JDP2: variants seen among roughly 807,000 people sequenced by gnomAD.
The protein encoded by JDP2 is progesterone receptor co-activator.
In JDP2, 9 loss-of-function variants were observed where a neutral mutation model predicts 17.1. The observed-to-expected ratio is 0.53, with a 90% confidence interval of 0.32 to 0.92. JDP2 has a LOEUF of 0.92. JDP2 is among the 40% of genes least tolerant of loss of function. JDP2 has a pLI of 0.04. For synonymous variants in JDP2, 107 were observed against 95.6 expected, an observed-to-expected ratio of 1.12 and a Z score of -0.69; for missense variants, 179 against 220.0, an observed-to-expected ratio of 0.81 and a Z score of 1.18.
chr14:75,443,152 G>A (rs772215744), intron 2 of JDP2, among the ~76,000 whole-genome samples: 12 of 152,068 alleles, frequency 7.9e-5, no homozygotes, highest in African/African-American at 1.2e-4. Flanking sequence ...ACCAGAGAGC[G>A]GCCTTGGAAG....
intron 1 of JDP2, among the ~76,000 whole-genome samples, chr14:75,429,272 CT>C (rs1884679253): frequency 6.6e-6 from 1 of 152,200 alleles, no homozygotes; most frequent in South Asian, 2.1e-4. Flanking sequence ...GCTGCCCTCC[CT>C]GTTGGAATCC....
At chr14:75,468,636 C>A (rs569736106) in intron 3 of JDP2, among the ~76,000 whole-genome samples, 8 of 152,342 alleles carry the variant, frequency 5.3e-5, no homozygotes, top group African/African-American at 1.9e-4. Context: ...TATTGGAAAC[C>A]TCATTTGGGA....
At chr14:75,449,342 G>C (rs1389895183) in intron 2 of JDP2, among the ~76,000 whole-genome samples, 1 of 152,200 alleles carries the variant, frequency 6.6e-6, no homozygotes, top group African/African-American at 2.4e-5. Flanking sequence ...TAAATATTCT[G>C]TGCAACGACT....
chr14:75,432,093 A>AC (rs35156595), intron 1 of JDP2: 59,743 of 574,934 alleles, frequency 0.1, 3,524 homozygotes, highest in Non-Finnish European at 0.13. Flanking sequence ...GCCACTCTTA[A>AC]CCCCCCCTTC....
At chr14:75,453,740 AC>A (rs1469589567) in intron 2 of JDP2, among the ~76,000 whole-genome samples, 4 of 152,012 alleles carry the variant, frequency 2.6e-5, no homozygotes, top group Admixed American at 1.3e-4. Context: ...CTTAAAGACC[AC>A]CCCCCAACCC....
chr14:75,442,063 A>G (rs1325999085), intron 2 of JDP2, among the ~76,000 whole-genome samples: 2 of 152,126 alleles, frequency 1.3e-5, no homozygotes, highest in Non-Finnish European at 2.9e-5. Context: ...AGGGGACTCA[A>G]GAGTTCAAGG....
rs80083836 is a variant in JDP2 at position 75,445,042 on chromosome 14, G to A, written c.201+6921G>A. 19 of 935,400 alleles carry A rather than the reference G, an allele frequency of 2.0e-5. No individual in the cohort carries two copies. In the South Asian group the frequency reaches 7.9e-4, roughly 39 times the overall value. 57.9% of individuals were successfully genotyped at this position (935,400 alleles called of 1,614,324 possible). A position where few individuals can be genotyped will look rare whatever the true frequency, so the allele number is the denominator to read the frequency against. On this transcript the variant is annotated intron_variant, in intron 2 of 3. Transcript: ENST00000651602. ...CAATCTTTTAGCAGCCTTAAGAAGG[G>A]CTGTCAAGTCTTCTGTCAATCCTAC...
At chr14:75,447,934 C>G (rs1885679717) in intron 2 of JDP2, among the ~76,000 whole-genome samples, 1 of 152,160 alleles carries the variant, frequency 6.6e-6, no homozygotes, top group Admixed American at 6.5e-5. Context: ...GCTGGGATTA[C>G]AGGCGTGAGC....
chr14:75,436,766 G>A (rs984771044), intron 1 of JDP2, among the ~76,000 whole-genome samples: 5 of 152,210 alleles, frequency 3.3e-5, no homozygotes, highest in Non-Finnish European at 7.3e-5. Flanking sequence ...GCTTCCCCCA[G>A]TAAAGGGAAG....
rs1368037679 is a variant in JDP2, at chr14:75,472,137, C to T, written c.*2662C>T. ...GAAGTCACAATTATAGGCTTCATTG[C>T]AAGAGCCAGCATTTGAGTTTCTTCT... On this transcript the variant is annotated 3_prime_UTR_variant, in exon 4 of 4. Transcript: ENST00000651602. 1.3e-5 allele frequency: 2 copies of T among 152,238 alleles called. No homozygotes were observed. Among genetic ancestry groups the T allele is most frequent in the African/African-American group, 4.8e-5 (2 of 41,452 alleles). 9.4% of individuals were successfully genotyped at this position (152,238 alleles called of 1,614,324 possible).
intron 2 of JDP2, among the ~76,000 whole-genome samples, chr14:75,452,246 G>T (rs1246453035): frequency 1.3e-5 from 2 of 152,234 alleles, no homozygotes; most frequent in Non-Finnish European, 2.9e-5. Context: ...TAGCCTGATG[G>T]AATGGAGTCA....
intron 2 of JDP2, among the ~76,000 whole-genome samples, chr14:75,438,772 T>C (rs572716019): frequency 6.6e-6 from 1 of 152,306 alleles, no homozygotes; most frequent in East Asian, 1.9e-4. Flanking sequence ...TCAGGTCCCT[T>C]GCACCTGCAG....
intron 2 of JDP2, among the ~76,000 whole-genome samples, chr14:75,453,051 G>A (rs1442833509): frequency 6.6e-6 from 1 of 152,056 alleles, no homozygotes; most frequent in Non-Finnish European, 1.5e-5. Flanking sequence ...CAAGGGAGTT[G>A]GCTGAGGGCC....
intron 2 of JDP2, 49 bp from the exon 3 acceptor site, chr14:75,461,377 T>TACTCC: frequency 1.4e-6 from 2 of 1,395,248 alleles, no homozygotes; most frequent in Non-Finnish European, 2.0e-6. Context: ...ACAGAAACTG[T>TACTCC]ACTCCAAGCC....
rs1886732404 is a variant in JDP2 at position 75,469,626 on chromosome 14, G to A, written c.*151G>A. ...CAGCCAGCATCAGCCGAGCTTTTTT[G>A]TGAAACTCAGATCAGCCACCCAGGA... On this transcript the variant is annotated 3_prime_UTR_variant, in exon 4 of 4. Transcript: ENST00000651602. The A allele has an allele frequency of 2.9e-6, 2 of 693,640 alleles. No individual in the cohort carries two copies. The highest frequency in any genetic ancestry group is 4.7e-6 in the Non-Finnish European group (2 of 424,024). The allele number at this position is 693,640 out of a possible 1,614,324, so 43.0% of individuals were successfully genotyped here. A position where few individuals can be genotyped will look rare whatever the true frequency, so the allele number is the denominator to read the frequency against.
At chr14:75,427,439 A>G (rs978977297), upstream of JDP2, 3 of 152,478 alleles carry the variant, frequency 2.0e-5, no homozygotes, top group Admixed American at 2.0e-4. The surrounding 1 kb of genome is among the most constrained non-coding windows in gnomAD (Gnocchi z 4.4). Context: ...CCACCGAAAA[A>G]TAAAGCAGGC....
In JDP2 at chr14:75,469,415, C is replaced by T; in HGVS notation, c.432C>T (p.Asp144=). ...RHRPTCIVRT[D]SVKTPESEGN... ...GCCCCACCTGCATCGTCCGGACCGA[C>T]AGTGTCAAGACCCCCGAGTCAGAAG... Residue 144 remains aspartate (D), a synonymous_variant, in exon 4 of 4, where the codon GAC becomes GAT. Coordinates refer to ENST00000651602, the MANE Select transcript of JDP2 (RefSeq NM_001135048.2). The T allele has an allele frequency of 6.2e-7, 1 of 1,614,116 alleles. No homozygotes were observed. The highest frequency in any genetic ancestry group is 2.2e-5 in the East Asian group (1 of 44,880).
chr14:75,464,972 C>A (rs560601179), intron 3 of JDP2, among the ~76,000 whole-genome samples: 2 of 152,216 alleles, frequency 1.3e-5, no homozygotes, highest in Non-Finnish European at 2.9e-5. Flanking sequence ...TCCCGTGGTG[C>A]CCTCTGGTCT....
chr14:75,435,410 A>G (rs1885018966), intron 1 of JDP2, among the ~76,000 whole-genome samples: 1 of 152,148 alleles, frequency 6.6e-6, no homozygotes, highest in South Asian at 2.1e-4. Context: ...CTGGATCTCC[A>G]TGGGGGGTGG....
Sources: allele counts gnomAD v4.1 joint callset (sites outside exome capture counted in the v4.1 genomes callset), GRCh38; gene constraint gnomAD v4.1.1; non-coding constraint Gnocchi (gnomAD v3.1); transcripts MANE v1.5; gene names NCBI Gene and HGNC (gene_info 2026-07-23, HGNC 2026-07-21).